Variants in NIPBL observed in about 807,000 individuals in gnomAD.
NIPBL encodes the protein nipped-B-like protein.
Under a neutral mutation model 321.8 loss-of-function variants are expected in NIPBL, and 19 were observed. The observed-to-expected ratio is 0.06, with a 90% confidence interval of 0.04 to 0.09. The LOEUF (loss-of-function observed/expected upper bound fraction) is 0.09, where lower values mean the gene tolerates loss of function less well. Among genes scored for constraint, NIPBL ranks in the 10% least tolerant of loss-of-function variants. The pLI, the probability that NIPBL is intolerant of heterozygous loss-of-function variation, is 1.00. For missense variants in NIPBL, 2,210 were observed against 3,327.0 expected, an observed-to-expected ratio of 0.66 and a Z score of 8.26; for synonymous variants, 1,106 against 1,114.1, an observed-to-expected ratio of 0.99 and a Z score of 0.14.
intron 1 of NIPBL, among the ~76,000 whole-genome samples, chr5:36,942,670 G>A (rs1472458156): frequency 6.6e-6 from 1 of 151,144 alleles, no homozygotes. Flanking sequence ...GAACCTTGGA[G>A]GCAGAGGCTG....
chr5:36,936,732 T>C (rs1738472818), intron 1 of NIPBL, among the ~76,000 whole-genome samples: 1 of 152,098 alleles, frequency 6.6e-6, no homozygotes, highest in Admixed American at 6.6e-5. Flanking sequence ...GTAAGTCTGA[T>C]TGATTAACCT....
In NIPBL at chr5:37,037,112, G is replaced by A. The variant is rs530786015; in HGVS notation, c.5971+625G>A. Among the ~76,000 whole-genome samples the A allele has an allele frequency of 2.6e-5, 4 of 151,646 alleles. No individual in the cohort carries two copies. In the South Asian group the frequency reaches 6.2e-4, roughly 24 times the overall value. On this transcript the variant is annotated intron_variant, in intron 33 of 46. Transcript: ENST00000282516. ...TTAAGAAATATAAAAATTGGGCCAGGCGTGGTGGCTCACACCTGTAATCCC... is the reference window on the plus strand; with the variant it reads ...TTAAGAAATATAAAAATTGGGCCAGACGTGGTGGCTCACACCTGTAATCCC...
intron 31 of NIPBL, among the ~76,000 whole-genome samples, chr5:37,027,076 T>C (rs1750365580): frequency 6.6e-6 from 1 of 152,202 alleles, no homozygotes; most frequent in South Asian, 2.1e-4. Context: ...AGAGTGTAGT[T>C]CAAGTTATTG....
At chr5:36,991,429 AAAAT>A (rs1554018743) in intron 10 of NIPBL, among the ~76,000 whole-genome samples, 2 of 152,130 alleles carry the variant, frequency 1.3e-5, no homozygotes, top group Non-Finnish European at 2.9e-5. Flanking sequence ...GTAATTTTTT[AAAAT>A]AAATCTTTTT....
intron 9 of NIPBL, among the ~76,000 whole-genome samples, chr5:36,981,592 A>T (rs1199404563): frequency 6.6e-6 from 1 of 151,734 alleles, no homozygotes; most frequent in Non-Finnish European, 1.5e-5. Context: ...AATTAATTTT[A>T]AAAGGCTATT....
intron 24 of NIPBL, among the ~76,000 whole-genome samples, chr5:37,018,648 G>A (rs1265352393): frequency 2.6e-5 from 4 of 152,024 alleles, no homozygotes; most frequent in African/African-American, 9.7e-5. Context: ...TGCCATGTAT[G>A]GCTATGTTGA....
At chr5:36,938,711 C>A (rs572535249) in intron 1 of NIPBL, among the ~76,000 whole-genome samples, 2 of 152,122 alleles carry the variant, frequency 1.3e-5, no homozygotes, top group African/African-American at 4.8e-5. Context: ...TAATGTAAAT[C>A]CATAGGAAGT....
intron 1 of NIPBL, among the ~76,000 whole-genome samples, chr5:36,929,415 T>C (rs1749609759): frequency 6.6e-6 from 1 of 152,106 alleles, no homozygotes; most frequent in African/African-American, 2.4e-5. Flanking sequence ...TTGTGTTATC[T>C]TCTTGTTCAC....
chr5:36,979,534 G>A (rs1444434576), intron 9 of NIPBL, among the ~76,000 whole-genome samples: 1 of 151,772 alleles, frequency 6.6e-6, no homozygotes, highest in Non-Finnish European at 1.5e-5. Context: ...TCAGTGAACA[G>A]AGATAATTTG....
Position 36,984,825 on chromosome 5 carries a change from G to A in NIPBL, c.1645G>A (p.Gly549Arg). 6.2e-7 allele frequency: 1 copy of A among 1,613,864 alleles called. No homozygotes were observed. The highest frequency in any genetic ancestry group is 8.5e-7 in the Non-Finnish European group (1 of 1,179,852). The change falls in exon 10 of 47, where the codon GGA becomes AGA. Residue 549 changes from glycine to arginine, a missense_variant. By Grantham distance (125) the Gly-to-Arg change is moderately radical. This residue lies in a region of NIPBL where 588 missense variants were observed against 564.1 expected (regional missense o/e 1.04). Coordinates refer to ENST00000282516, the MANE Select transcript of NIPBL (RefSeq NM_133433.4). ...LMVSIDLHQA[G>R]RVDSQASITQ... ...GGTTAGCATTGATCTTCATCAGGCA[G>A]GAAGAGTGGACTCTCAGGCTTCTAT...
chr5:36,941,495 C>T (rs1416279530), intron 1 of NIPBL, among the ~76,000 whole-genome samples: 2 of 148,430 alleles, frequency 1.3e-5, no homozygotes, highest in African/African-American at 2.5e-5. Flanking sequence ...TATCCTAAGA[C>T]GTTCAAAACC....
At chr5:36,877,716 G>C (rs1745202140) in intron 1 of NIPBL, among the ~76,000 whole-genome samples, 1 of 152,306 alleles carries the variant, frequency 6.6e-6, no homozygotes, top group African/African-American at 2.4e-5. Flanking sequence ...TGAGACAAAC[G>C]TAAATACTCA....
At chr5:36,952,356 C>A (rs967367766) in intron 1 of NIPBL, among the ~76,000 whole-genome samples, 2 of 152,058 alleles carry the variant, frequency 1.3e-5, no homozygotes, top group Non-Finnish European at 2.9e-5. Flanking sequence ...GTTTTTTAAA[C>A]TGGAAATTAC....
chr5:36,997,462 A>ACCATTCT (rs1435963115), intron 11 of NIPBL, among the ~76,000 whole-genome samples: 1 of 152,144 alleles, frequency 6.6e-6, no homozygotes, highest in Non-Finnish European at 1.5e-5. Context: ...CAATGCAGCC[A>ACCATTCT]CCATTCTTTT....
chr5:36,877,916 TG>T (rs1745217666), intron 1 of NIPBL, among the ~76,000 whole-genome samples: 1 of 152,236 alleles, frequency 6.6e-6, no homozygotes, highest in Non-Finnish European at 1.5e-5. Context: ...TTTGACAGTG[TG>T]TTGTTGCACA....
At position 36,955,026 on chromosome 5, in the gene NIPBL, G is replaced by A. The variant is rs138539894; in HGVS notation, c.65-446G>A. On this transcript the variant is annotated intron_variant, in intron 2 of 46. Transcript: ENST00000282516. ...TCTTGCTAAAGTGAGGTATTTATTT[G>A]TATATTCTTAAGCTTTTAAAAAACG... The A allele has an allele frequency of 7.5e-4, 121 of 161,002 alleles. No homozygotes were observed. In the East Asian group the frequency reaches 9.7e-3, roughly 13 times the overall value. 10.0% of individuals were successfully genotyped at this position (161,002 alleles called of 1,614,324 possible).
chr5:36,943,030 G>A (rs1739286014), intron 1 of NIPBL, among the ~76,000 whole-genome samples: 1 of 151,862 alleles, frequency 6.6e-6, no homozygotes, highest in Non-Finnish European at 1.5e-5. Context: ...AAACTATATA[G>A]TTGTTATATT....
chr5:36,916,824 A>G (rs1748498026), intron 1 of NIPBL, among the ~76,000 whole-genome samples: 2 of 152,202 alleles, frequency 1.3e-5, no homozygotes, highest in African/African-American at 2.4e-5. Context: ...TACAAAGGAC[A>G]TGAACTCATC....
chr5:37,025,707 A>G (rs1254602086), intron 30 of NIPBL, among the ~76,000 whole-genome samples: 1 of 152,188 alleles, frequency 6.6e-6, no homozygotes, highest in Non-Finnish European at 1.5e-5. Flanking sequence ...GCTTGAGGCG[A>G]TGGATACCCC....
Sources: allele counts gnomAD v4.1 joint callset (sites outside exome capture counted in the v4.1 genomes callset), GRCh38; gene constraint gnomAD v4.1.1; regional missense constraint gnomAD v4.1.1; transcripts MANE v1.5; gene names NCBI Gene and HGNC (gene_info 2026-07-23, HGNC 2026-07-21).